The following TSHZ3 variants were observed in gnomAD, a reference collection of about 807,000 sequenced individuals.
TSHZ3 encodes the protein teashirt homolog 3.
In TSHZ3, 10 loss-of-function variants were observed where a neutral mutation model predicts 64.5. The ratio of observed to expected loss-of-function variants is 0.16; its 90% CI spans 0.10 to 0.26. TSHZ3 has a LOEUF of 0.26. Among genes scored for constraint, TSHZ3 ranks in the 10% least tolerant of loss-of-function variants. The pLI, the probability that TSHZ3 is intolerant of heterozygous loss-of-function variation, is 1.00. For synonymous variants in TSHZ3, 608 were observed against 593.1 expected, an observed-to-expected ratio of 1.03 and a Z score of -0.36; for missense variants, 1,242 against 1,421.7, an observed-to-expected ratio of 0.87 and a Z score of 2.03.
intron 1 of TSHZ3, among the ~76,000 whole-genome samples, chr19:31,289,826 T>C (rs953858871): frequency 2.6e-5 from 4 of 152,142 alleles, no homozygotes; most frequent in Admixed American, 2.6e-4. Context: ...TGAATCACCT[T>C]CCTCTGTGTC....
At chr19:31,159,715 T>C (rs1278106362) in intron 5 of TSHZ3, among the ~76,000 whole-genome samples, 1 of 152,038 alleles carries the variant, frequency 6.6e-6, no homozygotes, top group Non-Finnish European at 1.5e-5. Context: ...TTTTTTCAGA[T>C]AGGTTCTCAT....
chr19:31,260,257 C>T (rs1381762952), intron 1 of TSHZ3, among the ~76,000 whole-genome samples: 1 of 152,204 alleles, frequency 6.6e-6, no homozygotes, highest in East Asian at 1.9e-4. Context: ...CTGCCCAGTC[C>T]CCCCGCCCAG....
At chr19:31,334,565 C>T (rs1217715070) in intron 1 of TSHZ3, among the ~76,000 whole-genome samples, 3 of 152,190 alleles carry the variant, frequency 2.0e-5, no homozygotes, top group Non-Finnish European at 4.4e-5. Flanking sequence ...GCAAAGCCAG[C>T]AGGGTGGGGG....
chr19:31,340,505 G>T (rs1244299067), intron 1 of TSHZ3, among the ~76,000 whole-genome samples: 3 of 150,524 alleles, frequency 2.0e-5, no homozygotes, highest in Non-Finnish European at 3.0e-5. Flanking sequence ...AGGGGAAAGG[G>T]AGGGAAGGGG....
intron 1 of TSHZ3, among the ~76,000 whole-genome samples, chr19:31,324,200 G>A (rs1004648321): frequency 4.6e-5 from 7 of 152,144 alleles, no homozygotes; most frequent in African/African-American, 9.7e-5. Context: ...TTTTGAAAGC[G>A]TTATTATTAT....
chr19:31,338,885 C>A (rs1052888749), intron 1 of TSHZ3, among the ~76,000 whole-genome samples: 1 of 149,982 alleles, frequency 6.7e-6, no homozygotes, highest in East Asian at 2.0e-4. Flanking sequence ...ATTGCACATG[C>A]GAGGGTTTGT....
chr19:31,240,806 T>C (rs925222647), intron 3 of TSHZ3, among the ~76,000 whole-genome samples: 4 of 152,192 alleles, frequency 2.6e-5, no homozygotes, highest in Non-Finnish European at 5.9e-5. Context: ...TAGGTTCATC[T>C]GGTAATTTTT....
chr19:31,252,362 C>A (rs1975854702), intron 1 of TSHZ3, among the ~76,000 whole-genome samples: 1 of 152,148 alleles, frequency 6.6e-6, no homozygotes, highest in South Asian at 2.1e-4. Flanking sequence ...GGACACATGT[C>A]ATCAAAGTCA....
At chr19:31,225,837 G>A (rs563379315) in intron 4 of TSHZ3, among the ~76,000 whole-genome samples, 78 of 152,162 alleles carry the variant, frequency 5.1e-4, no homozygotes, top group Non-Finnish European at 8.7e-4. Flanking sequence ...GCTTAAAAGC[G>A]GTGTGTCAGC....
chr19:31,347,850 A>T (rs1257511155), intron 1 of TSHZ3, among the ~76,000 whole-genome samples: 1 of 152,164 alleles, frequency 6.6e-6, no homozygotes, highest in Non-Finnish European at 1.5e-5. Context: ...TGGAGTGCAG[A>T]GTGCAGCCAA....
At chr19:31,262,385 G>A (rs1360194515) in intron 1 of TSHZ3, among the ~76,000 whole-genome samples, 1 of 152,116 alleles carries the variant, frequency 6.6e-6, no homozygotes, top group Admixed American at 6.5e-5. Context: ...GTGATTTCAC[G>A]AGCTGGGTAA....
chr19:31,172,418 A>C (rs1974548034), intron 5 of TSHZ3, among the ~76,000 whole-genome samples: 1 of 152,202 alleles, frequency 6.6e-6, no homozygotes, highest in Non-Finnish European at 1.5e-5. Context: ...CAGCAGTACA[A>C]ATCTCCCATG....
chr19:31,242,398 C>T (rs1344577858), exon 3 of TSHZ3, among the ~76,000 whole-genome samples: 2 of 152,212 alleles, frequency 1.3e-5, no homozygotes, highest in Non-Finnish European at 2.9e-5. Flanking sequence ...AGCTTGAAGT[C>T]TGAGGCCAAA....
At chr19:31,268,725 G>C (rs1014686632) in intron 1 of TSHZ3, among the ~76,000 whole-genome samples, 3 of 152,164 alleles carry the variant, frequency 2.0e-5, no homozygotes, top group African/African-American at 7.2e-5. Flanking sequence ...TGAAAGCAAT[G>C]TGGGAGAAGG....
intron 1 of TSHZ3, among the ~76,000 whole-genome samples, chr19:31,280,532 C>A (rs1012886346): frequency 2.0e-5 from 3 of 152,146 alleles, no homozygotes; most frequent in Admixed American, 6.5e-5. Flanking sequence ...ACTCTCCATG[C>A]AGAATTATGT....
chr19:31,159,557 T>C (rs771385209), intron 5 of TSHZ3, among the ~76,000 whole-genome samples: 15 of 152,242 alleles, frequency 9.9e-5, no homozygotes, highest in Admixed American at 6.5e-4. Context: ...AAATGTAAAG[T>C]TGTCCATGAA....
upstream of TSHZ3, among the ~76,000 whole-genome samples, chr19:31,350,545 A>C (rs1218225403): frequency 2.0e-5 from 3 of 150,044 alleles, no homozygotes; most frequent in Non-Finnish European, 4.5e-5. Flanking sequence ...CCGAGAGCCT[A>C]GGGGGCCGCC....
Position 31,278,552 on chromosome 19 carries a change from A to T in TSHZ3, c.1241T>A (p.Val414Asp), listed in dbSNP as rs1360500528. 1 of 1,614,058 alleles carries T rather than the reference A, an allele frequency of 6.2e-7. No individual in the cohort carries two copies. The highest frequency in any genetic ancestry group is 2.2e-5 in the East Asian group (1 of 44,866). ...HMMVTGHFIK[V>D]TNSAMKKGKP... The stretch of plus-strand genomic sequence containing the variant: ...CCCCTTTTTCATAGCAGAGTTGGTG[A>T]CCTTGATGAAGTGGCCAGTGACCAT... Residue 414 changes from valine (V) to aspartate (D), a missense_variant, in exon 2 of 2, where the codon GTC becomes GAC. Transcript: ENST00000240587. The surrounding 1 kb of genome is among the most constrained non-coding windows in gnomAD (Gnocchi z 4.7).
Position 31,314,060 on chromosome 19 carries a change from C to T in TSHZ3, c.41-34308G>A, listed in dbSNP as rs1196648828. Among the ~76,000 whole-genome samples the T allele has an allele frequency of 2.0e-5, 3 of 152,296 alleles. No homozygotes were observed. The East Asian group carries it at 5.8e-4, about 29-fold the overall frequency. ...GTCAGACCCCCTCGTGCCTGCCTCT[C>T]GAGTGGCTGTTGGGCTCACCGGATG... On this transcript the variant is annotated intron_variant, in intron 1 of 1. Transcript: ENST00000240587.
Sources: allele counts gnomAD v4.1 joint callset (sites outside exome capture counted in the v4.1 genomes callset), GRCh38; gene constraint gnomAD v4.1.1; non-coding constraint Gnocchi (gnomAD v3.1); transcripts MANE v1.5; gene names NCBI Gene and HGNC (gene_info 2026-07-23, HGNC 2026-07-21).